Variants in DYNC2I2 observed in about 807,000 individuals in gnomAD.
The protein encoded by DYNC2I2 is dynein 2 intermediate chain 2, also known as cytoplasmic dynein 2 intermediate chain 2.
Under a neutral mutation model 52.0 loss-of-function variants are expected in DYNC2I2, and 39 were observed. The ratio of observed to expected loss-of-function variants is 0.75; its 90% CI spans 0.58 to 0.98. The LOEUF (loss-of-function observed/expected upper bound fraction) is 0.98. DYNC2I2 is among the 50% of genes least tolerant of loss of function. The pLI is 0.00. For missense variants in DYNC2I2, 743 were observed against 728.4 expected (o/e 1.02, Z -0.23); for synonymous variants, 359 against 321.1 (o/e 1.12, Z -1.26).
In DYNC2I2 at chr9:128,635,626, G is replaced by A. The variant is rs773063293; in HGVS notation, c.813+32C>T. ...CGCCCTCTCCCCAGCTCTGCCTCAG[G>A]GCCCACCCCGCCCGGCAGCCCCTGC... On this transcript the variant is annotated intron_variant, in intron 5 of 8. Coordinates refer to ENST00000372715, the MANE Select transcript of DYNC2I2 (RefSeq NM_052844.4). The A allele has an allele frequency of 2.7e-5, 42 of 1,562,390 alleles. No individual in the cohort carries two copies. The South Asian group carries it at 4.5e-4, about 17-fold the overall frequency.
At chr9:128,672,972 C>A in the DYNC2I2 span, among the ~76,000 whole-genome samples, 1 of 152,060 alleles carries the variant, frequency 6.6e-6, no homozygotes, top group Middle Eastern at 3.4e-3. Context: ...TGCAGTGAGC[C>A]GAGATTGGGC....
chr9:128,646,704 A>C (rs751853877), intron 1 of DYNC2I2, among the ~76,000 whole-genome samples: 1 of 151,916 alleles, frequency 6.6e-6, no homozygotes, highest in South Asian at 2.1e-4. Context: ...TATGCTAAGG[A>C]AGGCACAGTG....
At chr9:128,667,312 G>A in the DYNC2I2 span, among the ~76,000 whole-genome samples, 5 of 152,132 alleles carry the variant, frequency 3.3e-5, no homozygotes, top group African/African-American at 1.2e-4. Context: ...AGTAAACTGT[G>A]ATTATTTATT....
chr9:128,669,638 G>A, the DYNC2I2 span, among the ~76,000 whole-genome samples: 5 of 152,178 alleles, frequency 3.3e-5, no homozygotes, highest in East Asian at 5.8e-4. Flanking sequence ...CATAGGTTGC[G>A]GTGAGCCGAC....
In DYNC2I2 at chr9:128,656,661, C is replaced by T. The variant is rs1303019262; in HGVS notation, c.66G>A (p.Ala22=). The change falls in exon 1 of 9, where the codon GCG becomes GCA. Residue 22 remains alanine (A), a synonymous_variant. Coordinates refer to ENST00000372715, the MANE Select transcript of DYNC2I2 (RefSeq NM_052844.4). ...QAGSAGVAAL[A]TVGVASGPGP... ...CCGGGCCGCTCGCAACCCCGACTGT[C>T]GCCAGCGCCGCAACACCAGCGCTTC... 1 of 1,510,252 alleles carries T rather than the reference C, an allele frequency of 6.6e-7. No individual in the cohort carries two copies. The highest frequency in any genetic ancestry group is 8.8e-7 in the Non-Finnish European group (1 of 1,138,358). The allele number at this position is 1,510,252 out of a possible 1,614,324, so 93.6% of individuals were successfully genotyped here. A position where few individuals can be genotyped will look rare whatever the true frequency, so the allele number is the denominator to read the frequency against.
At chr9:128,665,847 C>T in the DYNC2I2 span, among the ~76,000 whole-genome samples, 6 of 144,430 alleles carry the variant, frequency 4.2e-5, no homozygotes, top group South Asian at 2.2e-4. Flanking sequence ...CTGAGGCAGG[C>T]AGCTCATGAG....
At chr9:128,636,866 A>G in intron 3 of DYNC2I2, 52 bp downstream of exon 3, 1 of 1,416,680 alleles carries the variant, frequency 7.1e-7, no homozygotes, top group Non-Finnish European at 9.8e-7. Flanking sequence ...ACAAGGCCCA[A>G]GGAGGGTCCT....
chr9:128,652,749 C>T (rs1367443206), intron 1 of DYNC2I2, among the ~76,000 whole-genome samples: 1 of 150,086 alleles, frequency 6.7e-6, no homozygotes, highest in African/African-American at 2.5e-5. Context: ...GAGAAACTCC[C>T]TCACTACTAA....
the DYNC2I2 span, among the ~76,000 whole-genome samples, chr9:128,678,523 G>A: frequency 8.1e-6 from 1 of 124,218 alleles, no homozygotes; most frequent in Non-Finnish European, 1.6e-5. Context: ...GTGCAGTGGT[G>A]CAATCTTGGC....
At chr9:128,643,462 G>A (rs1482580633) in intron 1 of DYNC2I2, among the ~76,000 whole-genome samples, 2 of 151,836 alleles carry the variant, frequency 1.3e-5, no homozygotes, top group Non-Finnish European at 2.9e-5. Flanking sequence ...GGGGGGCGGA[G>A]GTTGCAGTGA....
At chr9:128,659,746 T>C (rs1860896753), upstream of DYNC2I2, among the ~76,000 whole-genome samples, 1 of 151,154 alleles carries the variant, frequency 6.6e-6, no homozygotes, top group Non-Finnish European at 1.5e-5. Flanking sequence ...CTGTCCTTAC[T>C]AAAAATACAA....
chr9:128,676,590 G>A, the DYNC2I2 span, among the ~76,000 whole-genome samples: 1 of 151,354 alleles, frequency 6.6e-6, no homozygotes, highest in South Asian at 2.1e-4. Context: ...GGAGTACGGT[G>A]GTGTGATCTC....
the DYNC2I2 span, chr9:128,683,866 G>A: frequency 2.6e-6 from 4 of 1,529,686 alleles, no homozygotes; most frequent in Non-Finnish European, 3.5e-6. Context: ...GAGGAGACTC[G>A]TGGTCTGGTT....
At chr9:128,679,357 T>C in the DYNC2I2 span, among the ~76,000 whole-genome samples, 32 of 152,286 alleles carry the variant, frequency 2.1e-4, no homozygotes, top group African/African-American at 7.2e-4. Flanking sequence ...ATGAGGGACA[T>C]GGGTGATGGT....
chr9:128,675,224 G>A, the DYNC2I2 span, among the ~76,000 whole-genome samples: 2 of 151,848 alleles, frequency 1.3e-5, no homozygotes, highest in African/African-American at 2.4e-5. Context: ...TCAACCCAGG[G>A]TGGAGTGCAG....
chr9:128,636,535 G>T, intron 3 of DYNC2I2, 97 bp from the exon 4 acceptor site: 2 of 1,389,948 alleles, frequency 1.4e-6, no homozygotes, highest in East Asian at 2.5e-5. Flanking sequence ...CACTCGCTGT[G>T]TCCTTGTCAC....
chr9:128,649,705 A>AAAAAAAAAAAAAAAAAAC (rs1564344280), intron 1 of DYNC2I2, among the ~76,000 whole-genome samples: 1 of 143,426 alleles, frequency 7.0e-6, no homozygotes, highest in African/African-American at 2.7e-5. Context: ...AAAAAAAAAA[A>AAAAAAAAAAAAAAAAAAC]AAAACTGGGC....
chr9:128,642,268 C>CA (rs1860527615), intron 1 of DYNC2I2, among the ~76,000 whole-genome samples: 1 of 121,606 alleles, frequency 8.2e-6, no homozygotes, highest in Non-Finnish European at 1.6e-5. Flanking sequence ...GCCTGAGCGA[C>CA]AGAGCAAGAC....
chr9:128,650,349 A>G lies in DYNC2I2; in HGVS notation c.186+6192T>C, dbSNP rs1427140941. Among the ~76,000 whole-genome samples the G allele has an allele frequency of 7.3e-5, 4 of 55,142 alleles. 2 individuals are homozygous for G. Among genetic ancestry groups the G allele is most frequent in the Non-Finnish European group, 3.0e-4 (4 of 13,434 alleles). The allele number at this position is 55,142 out of a possible 152,430, so 36.2% of individuals were successfully genotyped here. Reference sequence around the variant, plus strand: ...CTGGTCAACAGTCCCATTCAACCCCATAAGAAGTATCCTAACAATCGCACT... The same window carrying G: ...CTGGTCAACAGTCCCATTCAACCCCGTAAGAAGTATCCTAACAATCGCACT... On this transcript the variant is annotated intron_variant, in intron 1 of 8. Transcript: ENST00000372715.
Sources: allele counts gnomAD v4.1 joint callset (sites outside exome capture counted in the v4.1 genomes callset), GRCh38; gene constraint gnomAD v4.1.1; transcripts MANE v1.5; gene names NCBI Gene and HGNC (gene_info 2026-07-23, HGNC 2026-07-21).